Variants in CDH13 observed in about 807,000 individuals in gnomAD.
The protein encoded by CDH13 is cadherin-13.
CDH13 carries 24 observed loss-of-function variants against 63.8 expected under a neutral mutation model. The ratio of observed to expected loss-of-function variants is 0.38; its 90% CI spans 0.27 to 0.53. The LOEUF (loss-of-function observed/expected upper bound fraction) is 0.53, where lower values mean the gene tolerates loss of function less well. CDH13 is among the 20% of genes least tolerant of loss of function. The probability of loss-of-function intolerance (pLI) is 0.85; values close to 1 mark genes in which losing one functional copy is unlikely to be tolerated. For missense variants in CDH13, 1,049 were observed against 903.1 expected, an observed-to-expected ratio of 1.16 and a Z score of -2.07; for synonymous variants, 503 against 355.3, an observed-to-expected ratio of 1.42 and a Z score of -4.67.
At chr16:83,321,257 T>G (rs139278838) in intron 5 of CDH13, among the ~76,000 whole-genome samples, 31 of 152,328 alleles carry the variant, frequency 2.0e-4, no homozygotes, top group East Asian at 7.7e-4. Context: ...GTGTCTCAAG[T>G]TGATTTCCTT....
chr16:83,760,965 A>C (rs1225031015), intron 11 of CDH13, among the ~76,000 whole-genome samples: 1 of 152,244 alleles, frequency 6.6e-6, no homozygotes, highest in Non-Finnish European at 1.5e-5. Context: ...CATAAGGAAC[A>C]AAGCAAAGCA....
chr16:83,373,167 G>C (rs562050630), intron 6 of CDH13, among the ~76,000 whole-genome samples: 1 of 152,130 alleles, frequency 6.6e-6, no homozygotes, highest in Admixed American at 6.5e-5. Flanking sequence ...AACGTTTGCC[G>C]TGCATAACAG....
intron 6 of CDH13, among the ~76,000 whole-genome samples, chr16:83,483,059 A>C (rs1460995267): frequency 6.6e-6 from 1 of 152,186 alleles, no homozygotes; most frequent in Non-Finnish European, 1.5e-5. Flanking sequence ...CAACAACCAA[A>C]GGGGAATGTT....
intron 3 of CDH13, among the ~76,000 whole-genome samples, chr16:83,121,783 GA>G (rs1307989230): frequency 6.6e-6 from 1 of 152,148 alleles, no homozygotes; most frequent in Non-Finnish European, 1.5e-5. Context: ...TGAGTGAAGG[GA>G]TATGTGCATT....
At chr16:83,098,577 A>G (rs1483851861) in intron 3 of CDH13, among the ~76,000 whole-genome samples, 1 of 152,170 alleles carries the variant, frequency 6.6e-6, no homozygotes, top group Non-Finnish European at 1.5e-5. Flanking sequence ...GTGCATCTGA[A>G]AAAGTCTTAC....
intron 10 of CDH13, among the ~76,000 whole-genome samples, chr16:83,695,758 A>T (rs1272718044): frequency 1.3e-5 from 2 of 152,230 alleles, no homozygotes; most frequent in Non-Finnish European, 2.9e-5. Flanking sequence ...CTGATAGAGC[A>T]TTATCTCATT....
In CDH13 at chr16:82,627,018, G is replaced by T. The variant is rs1370093384; in HGVS notation, c.-75G>T. 3 of 1,529,758 alleles carry T rather than the reference G, an allele frequency of 2.0e-6. No individual in the cohort carries two copies. The African/African-American group carries it at 4.1e-5, about 21-fold the overall frequency. 94.8% of individuals were successfully genotyped at this position (1,529,758 alleles called of 1,614,324 possible). ...AGGCAGAGCCTCTCCTCAAAGCCTG[G>T]CTCCCACGGAAAATATGCTCAGTGC... is the stretch of plus-strand genomic sequence containing the variant. On this transcript the variant is annotated 5_prime_UTR_variant, in exon 1 of 14. Coordinates refer to ENST00000567109, the MANE Select transcript of CDH13 (RefSeq NM_001257.5).
chr16:83,086,478 C>G (rs1446902304), intron 3 of CDH13, among the ~76,000 whole-genome samples: 1 of 152,130 alleles, frequency 6.6e-6, no homozygotes, highest in African/African-American at 2.4e-5. Context: ...TACAGTGGAG[C>G]TGTTTCTGTC....
At chr16:83,166,066 A>G (rs566144911) in intron 4 of CDH13, among the ~76,000 whole-genome samples, 2 of 152,118 alleles carry the variant, frequency 1.3e-5, no homozygotes, top group African/African-American at 4.8e-5. Flanking sequence ...CTCAGTCAGA[A>G]AGCATTTTGC....
intron 7 of CDH13, among the ~76,000 whole-genome samples, chr16:83,514,604 C>G (rs920935075): frequency 1.3e-5 from 2 of 152,132 alleles, no homozygotes; most frequent in South Asian, 4.1e-4. Flanking sequence ...AAGATCATAC[C>G]ACTGCACTCC....
At chr16:83,790,194 T>C (rs527478818) in intron 13 of CDH13, 67 of 152,306 alleles carry the variant, frequency 4.4e-4, no homozygotes, top group African/African-American at 1.4e-3. Flanking sequence ...CATTCACCAT[T>C]GACTGCCTCC....
chr16:83,727,001 A>G (rs1910486066), intron 10 of CDH13, among the ~76,000 whole-genome samples: 1 of 152,194 alleles, frequency 6.6e-6, no homozygotes, highest in African/African-American at 2.4e-5. Context: ...TTTCCCATGT[A>G]TAACAGCTGT....
intron 1 of CDH13, among the ~76,000 whole-genome samples, chr16:82,691,516 C>A (rs1258244666): frequency 6.6e-6 from 1 of 152,156 alleles, no homozygotes; most frequent in Non-Finnish European, 1.5e-5. Flanking sequence ...ATTAATGCAC[C>A]CTTTACTGAC....
intron 1 of CDH13, among the ~76,000 whole-genome samples, chr16:82,785,290 G>A (rs2035952787): frequency 6.6e-6 from 1 of 152,134 alleles, no homozygotes; most frequent in Non-Finnish European, 1.5e-5. Context: ...CTTGGCACTT[G>A]GCTCATTTGA....
chr16:83,095,248 C>G (rs1036051918), intron 3 of CDH13, among the ~76,000 whole-genome samples: 5 of 152,208 alleles, frequency 3.3e-5, no homozygotes, highest in Non-Finnish European at 7.3e-5. Flanking sequence ...CTCCAAAACA[C>G]TCACTGTTCC....
At chr16:82,656,015 C>G (rs1326975274) in intron 1 of CDH13, among the ~76,000 whole-genome samples, 2 of 152,200 alleles carry the variant, frequency 1.3e-5, no homozygotes, top group East Asian at 3.9e-4. Flanking sequence ...GAAACTTCAG[C>G]TGAGAGTTAC....
At chr16:83,612,275 A>C (rs926728783) in intron 8 of CDH13, among the ~76,000 whole-genome samples, 3 of 152,084 alleles carry the variant, frequency 2.0e-5, no homozygotes, top group African/African-American at 7.2e-5. Context: ...CTATCTCTGC[A>C]AATGCTTTCT....
chr16:83,597,939 T>G (rs890012396), intron 7 of CDH13, among the ~76,000 whole-genome samples: 1 of 152,258 alleles, frequency 6.6e-6, no homozygotes, highest in Non-Finnish European at 1.5e-5. Context: ...TGAATATGAC[T>G]GTCCTCAACG....
intron 5 of CDH13, among the ~76,000 whole-genome samples, chr16:83,307,193 G>T (rs1004854794): frequency 2.0e-5 from 3 of 152,294 alleles, no homozygotes; most frequent in South Asian, 2.1e-4. Context: ...CTACCCCCGT[G>T]GCTGAGGAAC....
Sources: gnomAD v4.1 joint callset for allele counts (sites outside exome capture counted in the v4.1 genomes callset) on GRCh38, gnomAD v4.1.1 for gene constraint, MANE v1.5 for transcripts, NCBI Gene and HGNC (gene_info 2026-07-23, HGNC 2026-07-21) for gene names.